GMDS: variants seen among roughly 807,000 people sequenced by gnomAD.
The protein encoded by GMDS is GDP-mannose 4,6 dehydratase.
GMDS carries 20 observed loss-of-function variants against 49.9 expected under a neutral mutation model. The ratio of observed to expected loss-of-function variants is 0.40; its 90% CI spans 0.28 to 0.58. The LOEUF (loss-of-function observed/expected upper bound fraction) is 0.58, where lower values mean the gene tolerates loss of function less well. GMDS is among the 20% of genes least tolerant of loss of function. The pLI is 0.42. For synonymous variants in GMDS, 177 were observed against 178.6 expected (o/e 0.99, Z 0.07); for missense variants, 362 against 481.4 (o/e 0.75, Z 2.32).
At chr6:1,658,585 T>C (rs976133089) in intron 9 of GMDS, among the ~76,000 whole-genome samples, 3 of 152,260 alleles carry the variant, frequency 2.0e-5, no homozygotes, top group African/African-American at 4.8e-5. Context: ...GAATGGGTAA[T>C]GATATTGTTT....
intron 9 of GMDS, among the ~76,000 whole-genome samples, chr6:1,659,416 G>C (rs993616318): frequency 6.6e-6 from 1 of 152,046 alleles, no homozygotes; most frequent in Non-Finnish European, 1.5e-5. Context: ...TGGCTGTCTC[G>C]GGAGGGGCCT....
chr6:2,164,303 T>C (rs11963859), intron 1 of GMDS, among the ~76,000 whole-genome samples: 2,249 of 152,276 alleles, frequency 0.015, 66 homozygotes, highest in African/African-American at 0.051. Flanking sequence ...AAAACTCAAG[T>C]AGTTATTTTG....
At chr6:2,092,618 A>G (rs1341315260) in intron 4 of GMDS, among the ~76,000 whole-genome samples, 1 of 152,212 alleles carries the variant, frequency 6.6e-6, no homozygotes, top group African/African-American at 2.4e-5. Flanking sequence ...GTCAACCTAG[A>G]TGACTTTAAG....
intron 9 of GMDS, 30 bp downstream of exon 9, chr6:1,726,386 C>T (rs1181324384): frequency 4.1e-6 from 6 of 1,462,754 alleles, no homozygotes; most frequent in Non-Finnish European, 5.8e-6. Context: ...CCAAATGTGG[C>T]CACGCACTGG....
Position 1,827,080 on chromosome 6 carries a change from G to A in GMDS, c.772-84494C>T, listed in dbSNP as rs62388419. ...CGCTGTCTCTTAAAAAAATATATAT[G>A]TGTGTGTGTGTGTGTGTGTGTGTGT... On this transcript the variant is annotated intron_variant, in intron 7 of 10. Coordinates refer to ENST00000380815, the MANE Select transcript of GMDS (RefSeq NM_001500.4). Among the ~76,000 whole-genome samples, 8 of 10,748 alleles carry A rather than the reference G, an allele frequency of 7.4e-4. No individual in the cohort carries two copies. In the South Asian group the frequency reaches 9.5e-3, roughly 13 times the overall value. 7.1% of individuals were successfully genotyped at this position (10,748 alleles called of 152,430 possible).
At chr6:2,228,660 G>A (rs913507386) in intron 1 of GMDS, among the ~76,000 whole-genome samples, 2 of 152,138 alleles carry the variant, frequency 1.3e-5, no homozygotes, top group Non-Finnish European at 2.9e-5. Flanking sequence ...CTGTAGGAAG[G>A]GCATTCATTT....
intron 1 of GMDS, among the ~76,000 whole-genome samples, chr6:2,179,431 G>C (rs1778423439): frequency 6.6e-6 from 1 of 152,126 alleles, no homozygotes; most frequent in Admixed American, 6.5e-5. Context: ...AACACCTTTG[G>C]GGAAGTAATT....
intron 7 of GMDS, among the ~76,000 whole-genome samples, chr6:1,856,696 A>G (rs1287945704): frequency 6.6e-6 from 1 of 152,188 alleles, no homozygotes; most frequent in Non-Finnish European, 1.5e-5. Context: ...AGGGGGCTCC[A>G]CCCTAGACCC....
intron 7 of GMDS, among the ~76,000 whole-genome samples, chr6:1,862,095 G>A (rs528138054): frequency 6.6e-6 from 1 of 152,216 alleles, no homozygotes; most frequent in African/African-American, 2.4e-5. Flanking sequence ...TACTTAACTG[G>A]GATTTACAGA....
At chr6:1,928,826 G>T (rs1402631815) in intron 7 of GMDS, among the ~76,000 whole-genome samples, 2 of 152,042 alleles carry the variant, frequency 1.3e-5, no homozygotes, top group Non-Finnish European at 2.9e-5. Flanking sequence ...AAAATTAGTC[G>T]GGTGTGGTGG....
chr6:1,966,230 T>C (rs1764249772), intron 4 of GMDS, among the ~76,000 whole-genome samples: 1 of 152,194 alleles, frequency 6.6e-6, no homozygotes, highest in Non-Finnish European at 1.5e-5. Flanking sequence ...CATTATCTTT[T>C]TCTCTATCTT....
At chr6:2,207,705 G>A (rs1418900901) in intron 1 of GMDS, among the ~76,000 whole-genome samples, 3 of 151,820 alleles carry the variant, frequency 2.0e-5, no homozygotes, top group Admixed American at 6.6e-5. Flanking sequence ...AGAGCAATTC[G>A]CCTATTGTTA....
At chr6:2,162,146 C>T (rs929354437) in intron 1 of GMDS, among the ~76,000 whole-genome samples, 110 of 152,176 alleles carry the variant, frequency 7.2e-4, no homozygotes, top group African/African-American at 2.6e-3. Context: ...CAGAGCCACA[C>T]CAAGATATAC....
chr6:2,117,057 A>G lies in GMDS; in HGVS notation c.235+412T>C, dbSNP rs1008310943. Among the ~76,000 whole-genome samples, 3 of 152,240 alleles carry G rather than the reference A, an allele frequency of 2.0e-5. No individual in the cohort carries two copies. In the South Asian group the frequency reaches 6.2e-4, roughly 31 times the overall value. On this transcript the variant is annotated intron_variant, in intron 3 of 10. Coordinates refer to ENST00000380815, the MANE Select transcript of GMDS (RefSeq NM_001500.4). ...TTTTGATTGCCATTTATTTGGGCCT[A>G]TCTTCACAAATTATTTTTAAAAATA... is the stretch of plus-strand genomic sequence containing the variant.
intron 4 of GMDS, among the ~76,000 whole-genome samples, chr6:2,045,663 G>GT (rs1321811201): frequency 2.6e-5 from 4 of 151,984 alleles, no homozygotes; most frequent in Admixed American, 6.6e-5. Flanking sequence ...GACAGTGGTG[G>GT]TAAGGGTGCA....
At chr6:1,779,438 C>T (rs893896297) in intron 7 of GMDS, among the ~76,000 whole-genome samples, 1 of 152,138 alleles carries the variant, frequency 6.6e-6, no homozygotes, top group Non-Finnish European at 1.5e-5. Context: ...CCAACTGCCA[C>T]CACAGATAAA....
At chr6:1,988,848 A>G (rs1222728049) in intron 4 of GMDS, among the ~76,000 whole-genome samples, 1 of 152,082 alleles carries the variant, frequency 6.6e-6, no homozygotes, top group Non-Finnish European at 1.5e-5. Flanking sequence ...TGGTTTGGAA[A>G]AAAACACAGG....
At chr6:1,943,869 A>G (rs1762932491) in intron 6 of GMDS, among the ~76,000 whole-genome samples, 1 of 152,224 alleles carries the variant, frequency 6.6e-6, no homozygotes, top group Admixed American at 6.5e-5. Flanking sequence ...GAGAAGGATA[A>G]AAACTTTCTG....
chr6:1,737,456 A>G (rs1767037798), intron 8 of GMDS, among the ~76,000 whole-genome samples: 1 of 152,092 alleles, frequency 6.6e-6, no homozygotes, highest in Non-Finnish European at 1.5e-5. Context: ...AAAACACAGC[A>G]CTAAAAAGAG....
Sources: gnomAD v4.1 joint callset for allele counts (sites outside exome capture counted in the v4.1 genomes callset) on GRCh38, gnomAD v4.1.1 for gene constraint, MANE v1.5 for transcripts, NCBI Gene and HGNC (gene_info 2026-07-23, HGNC 2026-07-21) for gene names.